FAM193A: variants seen among roughly 807,000 people sequenced by gnomAD.
FAM193A encodes family with sequence similarity 193 member A, also known as protein FAM193A.
A neutral mutation model predicts 126.5 loss-of-function variants in FAM193A; 22 were observed. The ratio of observed to expected loss-of-function variants is 0.17; its 90% confidence interval spans 0.12 to 0.25. The LOEUF (loss-of-function observed/expected upper bound fraction) is 0.25. Ranked by LOEUF, FAM193A falls within the 10% of genes least tolerant of loss-of-function variation. The pLI is 1.00. For synonymous variants in FAM193A, 761 were observed against 646.8 expected, an observed-to-expected ratio of 1.18 and a Z score of -2.68; for missense variants, 1,675 against 1,672.8, an observed-to-expected ratio of 1.00 and a Z score of -0.02.
upstream of FAM193A, among the ~76,000 whole-genome samples, chr4:2,536,085 G>T (rs2108792811): frequency 6.6e-6 from 1 of 151,896 alleles, no homozygotes; most frequent in South Asian, 2.1e-4. Context: ...CGAGGCCAGG[G>T]CCGCGCCGCG....
At chr4:2,630,844 C>A in intron 4 of FAM193A, 91 bp from the exon 5 acceptor site, 1 of 705,688 alleles carries the variant, frequency 1.4e-6, no homozygotes, top group Non-Finnish European at 2.4e-6. Flanking sequence ...AGGTGGCCAC[C>A]TGTGGAAGGG....
intron 5 of FAM193A, among the ~76,000 whole-genome samples, chr4:2,639,456 G>A (rs1413874729): frequency 6.6e-6 from 1 of 152,120 alleles, no homozygotes; most frequent in South Asian, 2.1e-4. Context: ...TTGTCTCTGT[G>A]CACACCTGTC....
rs1712654986 is a variant in FAM193A at position 2,662,995 on chromosome 4, T to C, written c.1899+4T>C. On this transcript the variant is annotated splice_donor_region_variant and intron_variant, in intron 11 of 20. Transcript: ENST00000637812. ...AAACATGGCCCTGAAGGATGAGGTA[T>C]GGACATGGCTTCTTCGTAGCAACAA... is the stretch of plus-strand genomic sequence containing the variant. 3 of 1,604,818 alleles carry C rather than the reference T, an allele frequency of 1.9e-6. No individual in the cohort carries two copies. In the East Asian group the frequency reaches 6.7e-5, roughly 36 times the overall value.
At chr4:2,629,700 T>C (rs1202237530) in intron 4 of FAM193A, among the ~76,000 whole-genome samples, 1 of 152,254 alleles carries the variant, frequency 6.6e-6, no homozygotes, top group East Asian at 1.9e-4. Flanking sequence ...GAACTCAAAC[T>C]GGTTTCTCCT....
chr4:2,684,303 T>C (rs1715478332), intron 13 of FAM193A, among the ~76,000 whole-genome samples: 2 of 152,196 alleles, frequency 1.3e-5, no homozygotes, highest in South Asian at 4.1e-4. Context: ...GTTAAGTGAT[T>C]CTGTAGTGGT....
intron 1 of FAM193A, among the ~76,000 whole-genome samples, chr4:2,547,342 A>G (rs1000462419): frequency 1.3e-5 from 2 of 152,158 alleles, no homozygotes; most frequent in African/African-American, 4.8e-5. Context: ...GCTATGAGCC[A>G]AGATCACACT....
At chr4:2,706,291 C>CTTTTTT (rs59143784) in intron 19 of FAM193A, among the ~76,000 whole-genome samples, 1,214 of 108,472 alleles carry the variant, frequency 0.011, 17 homozygotes, top group African/African-American at 0.018. Flanking sequence ...TTCTTTCTTT[C>CTTTTTT]TTTTTTTTTT....
intron 20 of FAM193A, among the ~76,000 whole-genome samples, chr4:2,731,303 G>T (rs1313948218): frequency 2.0e-5 from 3 of 151,544 alleles, no homozygotes; most frequent in Non-Finnish European, 4.4e-5. Context: ...TGGAGGTGGA[G>T]GTTGCAGTGA....
At chr4:2,621,747 T>G (rs1236460174) in intron 2 of FAM193A, among the ~76,000 whole-genome samples, 1 of 151,876 alleles carries the variant, frequency 6.6e-6, no homozygotes, top group Non-Finnish European at 1.5e-5. Context: ...AGGATTGAGG[T>G]GGAGTGGACA....
At chr4:2,613,007 G>A (rs1356220649) in intron 2 of FAM193A, among the ~76,000 whole-genome samples, 1 of 152,198 alleles carries the variant, frequency 6.6e-6, no homozygotes, top group East Asian at 1.9e-4. Context: ...TCAGTTTGGG[G>A]GAGAATTGAA....
intron 1 of FAM193A, among the ~76,000 whole-genome samples, chr4:2,562,158 A>G (rs754946099): frequency 1.3e-5 from 2 of 152,108 alleles, no homozygotes; most frequent in African/African-American, 4.8e-5. Context: ...AAAAGATTTC[A>G]GTGACTAGGC....
At chr4:2,616,505 C>G (rs927522496) in intron 2 of FAM193A, among the ~76,000 whole-genome samples, 1 of 152,052 alleles carries the variant, frequency 6.6e-6, no homozygotes, top group South Asian at 2.1e-4. Context: ...TACCATCTTG[C>G]ATTTTTTCTC....
intron 16 of FAM193A, 133 bp from the exon 17 acceptor site, chr4:2,694,813 C>T (rs1313968093): frequency 2.8e-6 from 2 of 708,008 alleles, no homozygotes; most frequent in Admixed American, 3.4e-5. Context: ...CCCTAGTAAC[C>T]CTGGGACTAT....
At chr4:2,595,992 A>G (rs1740837227) in intron 1 of FAM193A, 92 bp from the exon 2 acceptor site, 1 of 612,164 alleles carries the variant, frequency 1.6e-6, no homozygotes, top group South Asian at 2.0e-5. Flanking sequence ...AAACATACAC[A>G]TGCATTTTAG....
At chr4:2,658,691 C>A (rs1577152652) in intron 8 of FAM193A, among the ~76,000 whole-genome samples, 1 of 152,192 alleles carries the variant, frequency 6.6e-6, no homozygotes, top group South Asian at 2.1e-4. Context: ...ACAGATGGCA[C>A]CAGTGTTGTG....
chr4:2,561,999 A>C (rs1225699107), intron 1 of FAM193A, among the ~76,000 whole-genome samples: 2 of 152,218 alleles, frequency 1.3e-5, no homozygotes, highest in Non-Finnish European at 2.9e-5. Context: ...TAACTTATCA[A>C]AAGGAGTTTT....
intron 1 of FAM193A, among the ~76,000 whole-genome samples, chr4:2,564,482 T>TG (rs1314861542): frequency 6.6e-6 from 1 of 151,872 alleles, no homozygotes; most frequent in African/African-American, 2.4e-5. Flanking sequence ...GCTGTGGAGG[T>TG]GGAGGAGCCA....
intron 19 of FAM193A, among the ~76,000 whole-genome samples, chr4:2,712,780 T>C (rs1279413476): frequency 6.6e-6 from 1 of 152,094 alleles, no homozygotes; most frequent in African/African-American, 2.4e-5. Flanking sequence ...TAAAATGTGT[T>C]GTGGGGTTTT....
chr4:2,719,452 A>G (rs764962081), intron 20 of FAM193A, among the ~76,000 whole-genome samples: 40 of 152,190 alleles, frequency 2.6e-4, no homozygotes, highest in Non-Finnish European at 5.1e-4. Flanking sequence ...ATATTAGAAA[A>G]TCCACTTTAT....
Sources: gnomAD v4.1 joint callset for allele counts (sites outside exome capture counted in the v4.1 genomes callset) on GRCh38, gnomAD v4.1.1 for gene constraint, MANE v1.5 for transcripts, NCBI Gene and HGNC (gene_info 2026-07-23, HGNC 2026-07-21) for gene names.